PLCG2: variants seen among roughly 807,000 people sequenced by gnomAD.
PLCG2 encodes the protein phospholipase C gamma 2, also known as 1-phosphatidylinositol 4,5-bisphosphate phosphodiesterase gamma-2.
A neutral mutation model predicts 175.6 loss-of-function variants in PLCG2; 69 were observed. That is an observed-to-expected ratio of 0.39 (90% CI 0.32 to 0.48). The LOEUF (loss-of-function observed/expected upper bound fraction) is 0.48, where lower values mean the gene tolerates loss of function less well. PLCG2 is among the 20% of genes least tolerant of loss of function. PLCG2 has a pLI of 0.91. For missense variants in PLCG2, 1,798 were observed against 1,650.9 expected, an observed-to-expected ratio of 1.09 and a Z score of -1.54; for synonymous variants, 827 against 624.0, an observed-to-expected ratio of 1.33 and a Z score of -4.85.
At chr16:81,936,092 C>A in intron 26 of PLCG2, 77 bp from the exon 27 acceptor site, 1 of 1,566,776 alleles carries the variant, frequency 6.4e-7, no homozygotes, top group Non-Finnish European at 8.6e-7. Flanking sequence ...ATCTGAGCAT[C>A]CAGCCATTGC....
Position 81,885,425 on chromosome 16 carries a change from A to G in PLCG2, c.765+2084A>G, listed in dbSNP as rs375329212. Among the ~76,000 whole-genome samples the G allele has an allele frequency of 2.6e-4, 39 of 152,206 alleles. 1 individual carries two copies. In the East Asian group the frequency reaches 3.9e-3, roughly 15 times the overall value. ...GTGACTCACCTGTCTCAGCTCCCCA[A>G]ATTGCTGGGATTACAGATGTGAGGC... is the stretch of plus-strand genomic sequence containing the variant. On this transcript the variant is annotated intron_variant, in intron 9 of 32. Transcript: ENST00000564138.
rs1420798604 is a variant in PLCG2, at chr16:81,838,774, A to C, written c.194-15670A>C. 5.0e-5 allele frequency among the ~76,000 whole-genome samples: 3 copies of C among 60,086 alleles called. No homozygotes were observed. The South Asian group carries it at 2.3e-3, about 46-fold the overall frequency. 39.4% of individuals were successfully genotyped at this position (60,086 alleles called of 152,430 possible). ...CATGTATCCCAGAACTTAAAGTAAA[A>C]TTAAATATATATATATATATATATA... On this transcript the variant is annotated intron_variant, in intron 2 of 32. Transcript: ENST00000564138.
At chr16:81,782,749 A>G (rs948625111) in intron 1 of PLCG2, among the ~76,000 whole-genome samples, 1 of 152,254 alleles carries the variant, frequency 6.6e-6, no homozygotes, top group Non-Finnish European at 1.5e-5. Context: ...CCAAAATCCC[A>G]CAAAACGATT....
At chr16:81,816,995 GC>G (rs2143318063) in intron 2 of PLCG2, among the ~76,000 whole-genome samples, 1 of 152,212 alleles carries the variant, frequency 6.6e-6, no homozygotes, top group East Asian at 1.9e-4. Flanking sequence ...CCCATTTATT[GC>G]CCAGAAGGTG....
At chr16:81,811,373 G>T (rs1186349098) in intron 2 of PLCG2, among the ~76,000 whole-genome samples, 1 of 152,160 alleles carries the variant, frequency 6.6e-6, no homozygotes, top group Non-Finnish European at 1.5e-5. Context: ...GCACGTCGGG[G>T]TTCAGGACTC....
chr16:81,874,177 T>C (rs909060318), intron 7 of PLCG2, among the ~76,000 whole-genome samples: 3 of 152,228 alleles, frequency 2.0e-5, no homozygotes, highest in Admixed American at 6.5e-5. Context: ...TATTATATAT[T>C]AAAATCTAGA....
At position 81,752,805 on chromosome 16, in the gene PLCG2, C is replaced by A. The variant is rs139175988; in HGVS notation, c.-144-3065C>A. Reference sequence around the variant, plus strand: ...CTGGAAGCTCCAGCCTAGCACTGGGCACCTCCCCGGTGAGTGGCTGTTGGG... The same window carrying A: ...CTGGAAGCTCCAGCCTAGCACTGGGAACCTCCCCGGTGAGTGGCTGTTGGG... On this transcript the variant is annotated intron_variant, in intron 1 of 5. Transcript: ENST00000565054. Among the ~76,000 whole-genome samples, 1,275 of 152,332 alleles carry A rather than the reference C, an allele frequency of 8.4e-3. 17 individuals are homozygous for A. The highest frequency in any genetic ancestry group is 0.029 in the African/African-American group (1,190 of 41,586).
At chr16:81,784,022 C>G (rs1441964933) in intron 1 of PLCG2, among the ~76,000 whole-genome samples, 1 of 152,208 alleles carries the variant, frequency 6.6e-6, no homozygotes, top group African/African-American at 2.4e-5. Context: ...CTGCTCTCTG[C>G]CCGCCGTGCC....
intron 7 of PLCG2, among the ~76,000 whole-genome samples, chr16:81,873,870 C>G (rs1466540819): frequency 6.6e-6 from 1 of 152,210 alleles, no homozygotes; most frequent in Non-Finnish European, 1.5e-5. Flanking sequence ...TGGTAACATT[C>G]CACATGAGAG....
chr16:81,757,182 C>T (rs1676816347), intron 2 of PLCG2, among the ~76,000 whole-genome samples: 1 of 152,162 alleles, frequency 6.6e-6, no homozygotes, highest in Admixed American at 6.6e-5. Flanking sequence ...CATCCACCCA[C>T]TCATCCACCC....
At chr16:81,928,498 G>A (rs942772865) in intron 23 of PLCG2, 60 bp from the exon 24 acceptor site, 11 of 1,074,238 alleles carry the variant, frequency 1.0e-5, no homozygotes, top group Non-Finnish European at 1.5e-5. Flanking sequence ...CTTTGGAAAC[G>A]GGTTTTCTTT....
chr16:81,929,150 C>A (rs1168612653), intron 24 of PLCG2, among the ~76,000 whole-genome samples: 1 of 152,198 alleles, frequency 6.6e-6, no homozygotes, highest in East Asian at 1.9e-4. Context: ...GGCCCCAAGG[C>A]TAGGCTTGTC....
At chr16:81,932,065 C>T (rs1423657169) in intron 25 of PLCG2, among the ~76,000 whole-genome samples, 1 of 152,158 alleles carries the variant, frequency 6.6e-6, no homozygotes, top group Non-Finnish European at 1.5e-5. Flanking sequence ...CTGGAATGGG[C>T]TCTGGGAACA....
chr16:81,866,900 T>C (rs1041228389), intron 5 of PLCG2, among the ~76,000 whole-genome samples: 1 of 152,248 alleles, frequency 6.6e-6, no homozygotes, highest in Non-Finnish European at 1.5e-5. Flanking sequence ...CTCCCAGGGC[T>C]GAGGCAGAAA....
chr16:81,770,855 G>A (rs533549662), intron 2 of PLCG2, among the ~76,000 whole-genome samples: 9 of 152,070 alleles, frequency 5.9e-5, no homozygotes, highest in East Asian at 1.9e-4. Context: ...TCAGGAGATC[G>A]AGACCATCCT....
chr16:81,873,045 G>A (rs1597366330), intron 7 of PLCG2, among the ~76,000 whole-genome samples: 1 of 152,120 alleles, frequency 6.6e-6, no homozygotes, highest in African/African-American at 2.4e-5. Flanking sequence ...TTCTTAGAGT[G>A]GATCATTGAA....
chr16:81,934,719 C>A (rs1461250733), intron 26 of PLCG2, among the ~76,000 whole-genome samples, 188 bp downstream of exon 26: 1 of 151,936 alleles, frequency 6.6e-6, no homozygotes, highest in African/African-American at 2.4e-5. Flanking sequence ...GTGTATTAGT[C>A]CATTTTCATG....
chr16:81,880,588 G>C (rs1164954572), intron 7 of PLCG2, among the ~76,000 whole-genome samples: 1 of 152,174 alleles, frequency 6.6e-6, no homozygotes, highest in South Asian at 2.1e-4. Flanking sequence ...AAAATTGTGA[G>C]ATGTACGTAA....
intron 31 of PLCG2, among the ~76,000 whole-genome samples, chr16:81,948,168 A>G (rs921013703): frequency 1.3e-5 from 2 of 151,292 alleles, no homozygotes; most frequent in Admixed American, 1.3e-4. Flanking sequence ...GGAATAATAA[A>G]TCAAAGAAAA....
Sources: allele counts gnomAD v4.1 joint callset (sites outside exome capture counted in the v4.1 genomes callset), GRCh38; gene constraint gnomAD v4.1.1; transcripts MANE v1.5; gene names NCBI Gene and HGNC (gene_info 2026-07-23, HGNC 2026-07-21).